Variants in DGKB observed in about 807,000 individuals in gnomAD.
DGKB encodes diacylglycerol kinase beta.
In DGKB, 67 loss-of-function variants were observed where a neutral mutation model predicts 114.3. The observed-to-expected ratio is 0.59, with a 90% CI of 0.48 to 0.72. The LOEUF is 0.72. DGKB is among the 30% of genes least tolerant of loss of function. The pLI is 0.00. For missense variants in DGKB, 907 were observed against 975.2 expected, an observed-to-expected ratio of 0.93 and a Z score of 0.93; for synonymous variants, 398 against 323.1, an observed-to-expected ratio of 1.23 and a Z score of -2.49.
chr7:14,655,291 A>G (rs1025456677), intron 13 of DGKB, among the ~76,000 whole-genome samples: 43 of 151,796 alleles, frequency 2.8e-4, no homozygotes, highest in African/African-American at 7.3e-4. Context: ...AAAAATGTTC[A>G]GCATCACTAA....
At chr7:14,328,758 T>G (rs1809191564) in intron 23 of DGKB, among the ~76,000 whole-genome samples, 1 of 152,058 alleles carries the variant, frequency 6.6e-6, no homozygotes, top group Non-Finnish European at 1.5e-5. Flanking sequence ...CCCAGGGCTC[T>G]TTTAAATTAG....
At chr7:14,363,843 C>G (rs1022442613) in intron 21 of DGKB, among the ~76,000 whole-genome samples, 22 of 152,084 alleles carry the variant, frequency 1.4e-4, no homozygotes, top group African/African-American at 5.1e-4. Context: ...TATCTACACT[C>G]TTAGAGTGGA....
intron 23 of DGKB, among the ~76,000 whole-genome samples, chr7:14,258,484 G>C (rs965320587): frequency 2.3e-4 from 35 of 152,156 alleles, no homozygotes; most frequent in Non-Finnish European, 2.9e-5. Context: ...AAATTAGGGG[G>C]AAATGCAACA....
chr7:14,441,183 T>C (rs1830038318), intron 21 of DGKB, among the ~76,000 whole-genome samples: 1 of 152,048 alleles, frequency 6.6e-6, no homozygotes, highest in South Asian at 2.1e-4. Context: ...TAATTTTTTG[T>C]ATTTTTAGTA....
chr7:14,312,825 C>T (rs192755997), intron 23 of DGKB, among the ~76,000 whole-genome samples: 1 of 152,220 alleles, frequency 6.6e-6, no homozygotes, highest in African/African-American at 2.4e-5. Flanking sequence ...TGATAAAATT[C>T]AATGTTCCAA....
At chr7:14,737,499 C>G (rs1156454481) in intron 4 of DGKB, among the ~76,000 whole-genome samples, 1 of 151,440 alleles carries the variant, frequency 6.6e-6, no homozygotes, top group East Asian at 1.9e-4. Flanking sequence ...TGGGACAAAC[C>G]TAATATTAAA....
At chr7:14,658,649 ATGCATGTAACAAAATAT>A (rs1289437949) in intron 13 of DGKB, among the ~76,000 whole-genome samples, 4 of 151,922 alleles carry the variant, frequency 2.6e-5, no homozygotes, top group African/African-American at 7.2e-5. Flanking sequence ...TACACATTTT[ATGCATGTAACAAAATAT>A]TACATGTACC....
intron 23 of DGKB, among the ~76,000 whole-genome samples, chr7:14,202,329 T>C (rs1717173311): frequency 6.6e-6 from 1 of 151,980 alleles, no homozygotes; most frequent in Admixed American, 6.6e-5. Context: ...TCTAGAGTTC[T>C]TCCCATGATA....
intron 21 of DGKB, among the ~76,000 whole-genome samples, chr7:14,477,721 T>G (rs1308430258): frequency 1.4e-4 from 22 of 152,200 alleles, no homozygotes; most frequent in Admixed American, 1.4e-3. Flanking sequence ...ATTACTATAA[T>G]TTCTTTTGAT....
Position 14,571,646 on chromosome 7 carries a change from G to A in DGKB, c.1770+2566C>T, listed in dbSNP as rs79211488. On this transcript the variant is annotated intron_variant, in intron 20 of 25. Coordinates refer to ENST00000402815, the MANE Select transcript of DGKB (RefSeq NM_001350709.2). The stretch of plus-strand genomic sequence containing the variant: ...GGATCCTAGTTATCTACACATCCTT[G>A]GTTAAATGAGAGGTTTTGTACATGA... Among the ~76,000 whole-genome samples the A allele has an allele frequency of 4.1e-3, 625 of 152,298 alleles. 4 individuals are homozygous for A. The highest frequency in any genetic ancestry group is 0.014 in the African/African-American group (599 of 41,568).
intron 13 of DGKB, among the ~76,000 whole-genome samples, chr7:14,648,825 G>A (rs1057452323): frequency 1.4e-5 from 2 of 138,144 alleles, no homozygotes; most frequent in Non-Finnish European, 3.1e-5. Context: ...TGAAAACCAA[G>A]GCTCGAGAGC....
At chr7:14,335,024 A>C (rs1201236223) in intron 23 of DGKB, among the ~76,000 whole-genome samples, 4 of 152,192 alleles carry the variant, frequency 2.6e-5, no homozygotes, top group Non-Finnish European at 5.9e-5. Context: ...ATTTTAGAAT[A>C]TTTTGCTGGA....
intron 1 of DGKB, among the ~76,000 whole-genome samples, chr7:14,956,932 C>A: frequency 6.6e-6 from 1 of 151,904 alleles, no homozygotes; most frequent in South Asian, 2.1e-4. Context: ...TGCTACCTCC[C>A]GGCTTCCTCC....
At chr7:14,667,449 A>G (rs1487557099) in intron 13 of DGKB, among the ~76,000 whole-genome samples, 2 of 152,076 alleles carry the variant, frequency 1.3e-5, no homozygotes, top group Non-Finnish European at 2.9e-5. Flanking sequence ...AATATTTTTT[A>G]TAATGTGATA....
intron 6 of DGKB, 29 bp from the exon 7 acceptor site, chr7:14,701,759 A>G (rs769571294): frequency 2.0e-6 from 3 of 1,494,376 alleles, no homozygotes; most frequent in South Asian, 2.3e-5. Context: ...TGAAAACAAG[A>G]TTATAGGCAA....
At chr7:14,625,361 T>C (rs1314638892) in intron 14 of DGKB, among the ~76,000 whole-genome samples, 2 of 152,158 alleles carry the variant, frequency 1.3e-5, no homozygotes, top group Admixed American at 6.6e-5. Flanking sequence ...TGTCTCTCCT[T>C]TTTATATGAG....
At chr7:14,418,044 T>A (rs1008837379) in intron 21 of DGKB, among the ~76,000 whole-genome samples, 1 of 150,832 alleles carries the variant, frequency 6.6e-6, no homozygotes, top group Non-Finnish European at 1.5e-5. Flanking sequence ...TGTATCTCAC[T>A]GGTGTTTGTA....
At chr7:14,824,994 GTATATATATATGTATGTGTATGTATAT>G (rs1057355987) in intron 2 of DGKB, among the ~76,000 whole-genome samples, 3 of 120,766 alleles carry the variant, frequency 2.5e-5, no homozygotes, top group Admixed American at 1.8e-4. Flanking sequence ...ATATATGTGT[GTATATATATATGTATGTGTATGTATAT>G]ATATATATAT....
At chr7:14,482,966 G>A (rs888690044) in intron 20 of DGKB, among the ~76,000 whole-genome samples, 2 of 151,964 alleles carry the variant, frequency 1.3e-5, no homozygotes, top group African/African-American at 4.8e-5. Flanking sequence ...ATAATGCATG[G>A]GAATTATTTG....
Sources: allele counts gnomAD v4.1 joint callset (sites outside exome capture counted in the v4.1 genomes callset), GRCh38; gene constraint gnomAD v4.1.1; transcripts MANE v1.5; gene names NCBI Gene and HGNC (gene_info 2026-07-23, HGNC 2026-07-21).